Variants in FOXP3 observed in about 807,000 individuals in gnomAD.
FOXP3 encodes the protein forkhead box protein P3.
FOXP3 carries 5 observed loss-of-function variants against 31.2 expected under a neutral mutation model. The ratio of observed to expected loss-of-function variants is 0.16; its 90% CI spans 0.08 to 0.34. The LOEUF (loss-of-function observed/expected upper bound fraction) is 0.34, where lower values mean the gene tolerates loss of function less well. Ranked by LOEUF, FOXP3 falls within the 10% of genes least tolerant of loss-of-function variation. The pLI is 1.00. For synonymous variants in FOXP3, 141 were observed against 148.8 expected (o/e 0.95, Z 0.38); for missense variants, 251 against 363.0 (o/e 0.69, Z 2.51).
At chrX:49,264,614 T>C (rs1162170296) in intron 1 of FOXP3, 47 bp downstream of exon 1, 1 of 734,453 alleles carries the variant, frequency 1.4e-6, no homozygotes, top group Non-Finnish European at 1.6e-6. Flanking sequence ...CCCTGCCATC[T>C]CCTCCAATGG....
intron 1 of FOXP3, among the ~76,000 whole-genome samples, chrX:49,263,736 C>T (rs1388003403): frequency 8.9e-6 from 1 of 112,040 alleles, no homozygotes; most frequent in Non-Finnish European, 1.9e-5. Flanking sequence ...ATCGAGCTCA[C>T]CCCAGCCCTG....
rs187375954 is a variant in FOXP3, at chrX:49,256,282, G to C, written c.647+469C>G. On this transcript the variant is annotated intron_variant, in intron 6 of 11. Transcript: ENST00000376207. The stretch of plus-strand genomic sequence containing the variant: ...AGAGAGAGAGAGAGAGAGACATATG[G>C]GGGGACTGAGGGGAGGCAGCAGCAG... 1.5e-4 allele frequency among the ~76,000 whole-genome samples: 16 copies of C among 104,489 alleles called. No homozygotes were observed. The East Asian group carries it at 4.9e-3, about 32-fold the overall frequency. 90.7% of individuals were successfully genotyped at this position (104,489 alleles called of 115,157 possible).
chrX:49,262,309 G>C (rs782594561), intron 1 of FOXP3, among the ~76,000 whole-genome samples: 6 of 112,602 alleles, frequency 5.3e-5, no homozygotes, highest in Non-Finnish European at 1.1e-4. Flanking sequence ...AAAACAGTGT[G>C]GCCCTGGTAT....
At position 49,255,422 on chromosome X, in the gene FOXP3, C is replaced by T. The variant is rs782324528; in HGVS notation, c.816+7G>A. 8 of 1,198,741 alleles carry T rather than the reference C, an allele frequency of 6.7e-6. No homozygotes were observed. Among genetic ancestry groups the T allele is most frequent in the South Asian group, 3.6e-5 (2 of 55,064 alleles). Reference sequence around the variant, plus strand: ...AGTCTGCCACCACCAGTCCTGGGGTCGCTCACCACAGATGAAGCCTTGGTC... The same window carrying T: ...AGTCTGCCACCACCAGTCCTGGGGTTGCTCACCACAGATGAAGCCTTGGTC... On this transcript the variant is annotated splice_region_variant and intron_variant, in intron 8 of 11. Coordinates refer to ENST00000376207, the MANE Select transcript of FOXP3 (RefSeq NM_014009.4).
At chrX:49,261,960 G>C (rs1557117267) in intron 1 of FOXP3, among the ~76,000 whole-genome samples, 1 of 112,452 alleles carries the variant, frequency 8.9e-6, no homozygotes, top group East Asian at 2.8e-4. Context: ...CTTCTACGCT[G>C]TCTGGTTAAG....
intron 11 of FOXP3, 82 bp downstream of exon 11, chrX:49,251,582 G>A (rs2066031698): frequency 4.1e-6 from 5 of 1,207,636 alleles, no homozygotes; most frequent in South Asian, 1.8e-5. Context: ...ATGTGCCTAT[G>A]AGCCCAGACC....
In FOXP3 at chrX:49,251,040, G is replaced by A. The variant is rs1480645495; in HGVS notation, c.*294C>T. On this transcript the variant is annotated 3_prime_UTR_variant, in exon 12 of 12. Coordinates refer to ENST00000376207, the MANE Select transcript of FOXP3 (RefSeq NM_014009.4). ...GAGCAGCTGAGGCAGGCTCTGTGTGGCTGGTTGTGAAGGCTCTGTTTGGCT... is the reference window on the plus strand; with the variant it reads ...GAGCAGCTGAGGCAGGCTCTGTGTGACTGGTTGTGAAGGCTCTGTTTGGCT... 7.5e-6 allele frequency: 3 copies of A among 398,306 alleles called. No homozygotes were observed. The highest frequency in any genetic ancestry group is 1.3e-5 in the Non-Finnish European group (3 of 226,489). 32.8% of individuals were successfully genotyped at this position (398,306 alleles called of 1,213,427 possible). A position where few individuals can be genotyped will look rare whatever the true frequency, so the allele number is the denominator to read the frequency against.
chrX:49,256,571 A>G (rs11465470), intron 6 of FOXP3, among the ~76,000 whole-genome samples, 180 bp downstream of exon 6: 440 of 112,479 alleles, frequency 3.9e-3, no homozygotes, highest in African/African-American at 0.014. Context: ...AGAGAAGCTA[A>G]GTAATTTGTC....
rs122467173 is a variant in FOXP3 at position 49,253,200 on chromosome X, A to G, written c.970T>C (p.Phe324Leu). The G allele has an allele frequency of 1.7e-6, 2 of 1,206,044 alleles. No homozygotes were observed. Among genetic ancestry groups the G allele is most frequent in the Non-Finnish European group, 2.2e-6 (2 of 892,104 alleles). The stretch of plus-strand genomic sequence containing the variant: ...TTGAAGTAGTCCATGTTGTGGAGGA[A>G]CTCTGTCAGAGGGTGGGGATGAATC... ...GSHGNSTFPE[F>L]LHNMDYFKFH... The change falls in exon 10 of 12, where the codon TTC (phenylalanine) becomes CTC (leucine). Residue 324 changes from phenylalanine (F) to leucine (L), a missense_variant and splice_region_variant. Physicochemically the swap from Phe to Leu is conservative, Grantham distance 22 (BLOSUM62 0). This residue lies in a region of FOXP3 where 57 missense variants were observed against 60.9 expected (regional missense o/e 0.94). Coordinates refer to ENST00000376207, the MANE Select transcript of FOXP3 (RefSeq NM_014009.4).
At position 49,250,926 on chromosome X, in the gene FOXP3, CTG is replaced by C. The variant is rs1387732279; in HGVS notation, c.*406_*407del. 4 of 242,217 alleles carry C rather than the reference CTG, an allele frequency of 1.7e-5. No individual in the cohort carries two copies. Among genetic ancestry groups the C allele is most frequent in the Admixed American group, 1.3e-4 (2 of 15,943 alleles). The allele number at this position is 242,217 out of a possible 1,213,427, so 20.0% of individuals were successfully genotyped here. A position where few individuals can be genotyped will look rare whatever the true frequency, so the allele number is the denominator to read the frequency against. On this transcript the variant is annotated 3_prime_UTR_variant, in exon 12 of 12. Transcript: ENST00000376207. Reference sequence around the variant, plus strand: ...GTTTGAGTGTACTGAGGCAGGCTCTCTGTGTTTTGGGGTTTGTGTTGAGTGAG... The same window carrying C: ...GTTTGAGTGTACTGAGGCAGGCTCTCTGTTTTGGGGTTTGTGTTGAGTGAG...
intron 8 of FOXP3, 118 bp downstream of exon 8, chrX:49,255,311 G>A (rs2066062323): frequency 1.5e-6 from 1 of 654,384 alleles, no homozygotes; most frequent in African/African-American, 2.2e-5. Context: ...TGGAGCTGGG[G>A]ACAGGGGCCC....
In FOXP3 at chrX:49,257,913, C is replaced by T. The variant is rs2066085077; in HGVS notation, c.211-145G>A. ...TATGGAAACTGAGGCTCATGGAGAT[C>T]GAGTAACTTTTTAAAGATCAAACAG... On this transcript the variant is annotated intron_variant, in intron 2 of 11. Transcript: ENST00000376207. 14 of 506,410 alleles carry T rather than the reference C, an allele frequency of 2.8e-5. No individual in the cohort carries two copies. The South Asian group carries it at 4.4e-4, about 16-fold the overall frequency. The allele number at this position is 506,410 out of a possible 1,213,427, so 41.7% of individuals were successfully genotyped here.
At position 49,256,990 on chromosome X, in the gene FOXP3, T is replaced by C; in HGVS notation, c.477A>G (p.Glu159=). Residue 159 remains glutamate (E), a synonymous_variant, in exon 5 of 12, where the codon GAA becomes GAG. Transcript: ENST00000376207. Reference sequence around the variant, plus strand: ...GCAGTGCCGGCTCCCTGGACACCCATTCCAGGCTGGCCACGTTGATCCCTG... The same window carrying C: ...GCAGTGCCGGCTCCCTGGACACCCACTCCAGGCTGGCCACGTTGATCCCTG... The part of the protein sequence containing the change: ...LPPGINVASL[E]WVSREPALLC... The C allele has an allele frequency of 8.3e-7, 1 of 1,209,913 alleles. No homozygotes were observed. Among genetic ancestry groups the C allele is most frequent in the Non-Finnish European group, 1.1e-6 (1 of 894,624 alleles).
rs782012568 is a variant in FOXP3, at chrX:49,254,379, G to A, written c.817-312C>T. ...ACTCCTGACCTCATGTGATCCACCC[G>A]CTTCAGCCTCCCAAAGTGCTGGGAT... On this transcript the variant is annotated intron_variant, in intron 8 of 11. Coordinates refer to ENST00000376207, the MANE Select transcript of FOXP3 (RefSeq NM_014009.4). 6.3e-5 allele frequency among the ~76,000 whole-genome samples: 7 copies of A among 111,964 alleles called. No homozygotes were observed. The South Asian group carries it at 2.6e-3, about 42-fold the overall frequency.
At position 49,257,603 on chromosome X, in the gene FOXP3, G is replaced by A. The variant is rs1206006150; in HGVS notation, c.316-38C>T. ...TGTGGGCTGTGGTTCAGCCTGACTCGGGGCCCCTCCCCACAGTTCTCCCAC... is the reference window on the plus strand; with the variant it reads ...TGTGGGCTGTGGTTCAGCCTGACTCAGGGCCCCTCCCCACAGTTCTCCCAC... On this transcript the variant is annotated intron_variant, in intron 3 of 11. Coordinates refer to ENST00000376207, the MANE Select transcript of FOXP3 (RefSeq NM_014009.4). 17 of 1,191,461 alleles carry A rather than the reference G, an allele frequency of 1.4e-5. No homozygotes were observed. The African/African-American group carries it at 2.1e-4, about 15-fold the overall frequency.
chrX:49,254,217 C>T, intron 8 of FOXP3, 150 bp from the exon 9 acceptor site: 1 of 657,637 alleles, frequency 1.5e-6, no homozygotes, highest in East Asian at 3.7e-5. Context: ...CTGCAACCCC[C>T]ACCTCCCAGA....
At chrX:49,253,039 C>T in intron 10 of FOXP3, 87 bp downstream of exon 10, 1 of 815,592 alleles carries the variant, frequency 1.2e-6, no homozygotes, top group Non-Finnish European at 1.8e-6. Flanking sequence ...ACTCTGAGGG[C>T]ACTCAGAGGG....
At chrX:49,260,548 C>T (rs1268185921) in intron 1 of FOXP3, among the ~76,000 whole-genome samples, 2 of 112,513 alleles carry the variant, frequency 1.8e-5, no homozygotes, top group Non-Finnish European at 3.8e-5. Context: ...GATGGCCTGA[C>T]TCAGCAAAGC....
chrX:49,260,786 C>T (rs1165938426), intron 1 of FOXP3, among the ~76,000 whole-genome samples: 1 of 113,085 alleles, frequency 8.8e-6, no homozygotes, highest in African/African-American at 3.2e-5. Context: ...CAGATTTTTC[C>T]GCCATTGACG....
Sources: allele counts gnomAD v4.1 joint callset (sites outside exome capture counted in the v4.1 genomes callset), GRCh38; gene constraint gnomAD v4.1.1; regional missense constraint gnomAD v4.1.1; transcripts MANE v1.5; gene names NCBI Gene and HGNC (gene_info 2026-07-23, HGNC 2026-07-21).